Variants in RPL35 observed in about 807,000 individuals in gnomAD.
RPL35 encodes the protein large ribosomal subunit protein uL29.
A neutral mutation model predicts 15.6 loss-of-function variants in RPL35; 2 were observed. That is an observed-to-expected ratio of 0.13 (90% CI 0.05 to 0.40). The LOEUF (loss-of-function observed/expected upper bound fraction) is 0.40. Ranked by LOEUF, RPL35 falls within the 10% of genes least tolerant of loss-of-function variation. The probability of loss-of-function intolerance (pLI) is 0.99; values close to 1 mark genes in which losing one functional copy is unlikely to be tolerated. For missense variants in RPL35, 111 were observed against 164.7 expected (o/e 0.67, Z 1.79); for synonymous variants, 93 against 67.9 (o/e 1.37, Z -1.82).
intron 3 of RPL35, 86 bp from the exon 4 acceptor site, chr9:124,858,153 G>A: frequency 7.1e-7 from 1 of 1,413,290 alleles, no homozygotes; most frequent in South Asian, 1.3e-5. Flanking sequence ...GGGCCATCCA[G>A]AGCCACTCAG....
intron 2 of RPL35, among the ~76,000 whole-genome samples, chr9:124,860,695 G>C (rs530787275): frequency 6.6e-6 from 1 of 152,198 alleles, no homozygotes; most frequent in Non-Finnish European, 1.5e-5. Context: ...GAGCCAGGGA[G>C]AAGTTATTTG....
chr9:124,861,317 T>C, intron 2 of RPL35, 102 bp downstream of exon 2: 2 of 1,440,738 alleles, frequency 1.4e-6, no homozygotes, highest in Admixed American at 2.0e-5. Flanking sequence ...GGAGTGGGCA[T>C]CTAAGCGGCC....
At position 124,858,084 on chromosome 9, in the gene RPL35, AG is replaced by A. The variant is rs1214097238; in HGVS notation, c.223-18del. ...CTTCTTGCCCTGGGAGACAGACGGC[AG>A]GGTGAATCCAAGGACCCAGGGCTGA... On this transcript the variant is annotated intron_variant, in intron 3 of 3. Transcript: ENST00000348462. 2 of 1,610,334 alleles carry A rather than the reference AG, an allele frequency of 1.2e-6. No homozygotes were observed. The highest frequency in any genetic ancestry group is 2.2e-5 in the South Asian group (2 of 90,776).
intron 3 of RPL35, among the ~76,000 whole-genome samples, chr9:124,858,982 C>G (rs1829155045): frequency 6.6e-6 from 1 of 152,192 alleles, no homozygotes; most frequent in Non-Finnish European, 1.5e-5. Flanking sequence ...GCAGGAAAGT[C>G]TTTGTCCTCC....
intron 3 of RPL35, among the ~76,000 whole-genome samples, chr9:124,858,954 C>T (rs924776304): frequency 2.6e-5 from 4 of 152,196 alleles, no homozygotes; most frequent in Non-Finnish European, 5.9e-5. Context: ...GAGGGCCAGC[C>T]CTGGAGGGTA....
In RPL35 at chr9:124,861,927, C is replaced by G; in HGVS notation, c.-15G>C. On this transcript the variant is annotated 5_prime_UTR_variant, in exon 1 of 4. Transcript: ENST00000348462. Reference sequence around the variant, plus strand: ...GCTCTCACCATTGCTGCACAAGCCGCCAACGCCGCCGCCCGCTCCGAGGGA... The same window carrying G: ...GCTCTCACCATTGCTGCACAAGCCGGCAACGCCGCCGCCCGCTCCGAGGGA... 6.3e-7 allele frequency: 1 copy of G among 1,599,978 alleles called. No homozygotes were observed. Among genetic ancestry groups the G allele is most frequent in the African/African-American group, 1.3e-5 (1 of 74,214 alleles).
chr9:124,861,570 G>C lies in RPL35; in HGVS notation c.4-15C>G, dbSNP rs376630808. 1.2e-6 allele frequency: 2 copies of C among 1,613,122 alleles called. No individual in the cohort carries two copies. The highest frequency in any genetic ancestry group is 8.5e-7 in the Non-Finnish European group (1 of 1,179,690). On this transcript the variant is annotated splice_polypyrimidine_tract_variant and intron_variant, in intron 1 of 3. Transcript: ENST00000348462. ...TTGATCTTGGCCTGCGCGCAAGAGA[G>C]AGTGTGCCTCAGCCAGGCCGCGGGG...
At chr9:124,861,300 G>A (rs112248677) in intron 2 of RPL35, 119 bp downstream of exon 2, 13,465 of 1,288,190 alleles carry the variant, frequency 0.01, 92 homozygotes, top group Non-Finnish European at 0.012. Flanking sequence ...TGCGCGCCAG[G>A]ATGCACGGAG....
chr9:124,860,899 G>A (rs1231112236), intron 2 of RPL35: 1 of 158,944 alleles, frequency 6.3e-6, no homozygotes, highest in Non-Finnish European at 1.4e-5. Flanking sequence ...GAAGAGCAGT[G>A]GCCCCATCAT....
chr9:124,860,092 C>T (rs773591144), intron 3 of RPL35, 91 bp downstream of exon 3: 5 of 949,398 alleles, frequency 5.3e-6, no homozygotes, highest in Non-Finnish European at 6.9e-6. Context: ...AGCCCACGCA[C>T]CAAGAAAAAC....
intron 1 of RPL35, 151 bp downstream of exon 1, chr9:124,861,759 C>A (rs1829201646): frequency 1.5e-5 from 20 of 1,344,928 alleles, no homozygotes; most frequent in Non-Finnish European, 2.0e-5. Flanking sequence ...CGGCGCCAAG[C>A]GAAGAGGCGG....
chr9:124,861,741 GCCTCTC>G, intron 1 of RPL35, 163 bp downstream of exon 1: 1 of 1,308,494 alleles, frequency 7.6e-7, no homozygotes. Context: ...CGGGCCGCGC[GCCTCTC>G]CCGGCGCCAA....
At chr9:124,859,138 T>A (rs954878508) in intron 3 of RPL35, among the ~76,000 whole-genome samples, 1 of 152,234 alleles carries the variant, frequency 6.6e-6, no homozygotes, top group African/African-American at 2.4e-5. Context: ...ACACACGTGC[T>A]AGTGTCCCCT....
At position 124,858,007 on chromosome 9, in the gene RPL35, G is replaced by A; in HGVS notation, c.283C>T (p.Leu95Phe). The A allele has an allele frequency of 6.2e-7, 1 of 1,612,328 alleles. No homozygotes were observed. Among genetic ancestry groups the A allele is most frequent in the South Asian group, 1.1e-5 (1 of 90,998 alleles). The change falls in exon 4 of 4, where the codon CTC (leucine) becomes TTC (phenylalanine). Residue 95 changes from leucine (L) to phenylalanine (F), a missense_variant. Physicochemically the swap from Leu to Phe is conservative, Grantham distance 22 (BLOSUM62 0). Transcript: ENST00000348462. The part of the protein sequence containing the change: ...PKKTRAMRRR[L>F]NKHEENLKTK... Reference sequence around the variant, plus strand: ...TTCAGGTTCTCCTCGTGCTTGTTGAGCCGGCGGCGCATGGCACGTGTCTTC... The same window carrying A: ...TTCAGGTTCTCCTCGTGCTTGTTGAACCGGCGGCGCATGGCACGTGTCTTC...
chr9:124,858,208 C>T (rs1372593159), intron 3 of RPL35, 141 bp from the exon 4 acceptor site: 24 of 705,288 alleles, frequency 3.4e-5, no homozygotes, highest in Non-Finnish European at 5.4e-5. Context: ...ACACATGTCA[C>T]TAACTCAATT....
At chr9:124,860,342 C>G in intron 2 of RPL35, 78 bp from the exon 3 acceptor site, 1 of 1,166,572 alleles carries the variant, frequency 8.6e-7, no homozygotes, top group African/African-American at 1.5e-5. Context: ...CATAGGGCAG[C>G]AATAGCTGCA....
At position 124,861,892 on chromosome 9, in the gene RPL35, C is replaced by CG; in HGVS notation, c.3+17dup. The CG allele has an allele frequency of 6.2e-7, 1 of 1,603,224 alleles. No individual in the cohort carries two copies. The highest frequency in any genetic ancestry group is 8.5e-7 in the Non-Finnish European group (1 of 1,175,942). On this transcript the variant is annotated intron_variant, in intron 1 of 3. Transcript: ENST00000348462. ...CGCCTCACAGCGCTCGGATGGCGCC[C>CG]GATTCCGCAGCTCTCACCATTGCTG...
intron 3 of RPL35, among the ~76,000 whole-genome samples, chr9:124,859,498 C>A (rs1200213512): frequency 6.6e-6 from 1 of 152,200 alleles, no homozygotes; most frequent in Non-Finnish European, 1.5e-5. Context: ...CCTCCAAGTA[C>A]CCACTGGGAA....
At chr9:124,861,582 G>A in intron 1 of RPL35, 27 bp from the exon 2 acceptor site, 3 of 1,610,904 alleles carry the variant, frequency 1.9e-6, no homozygotes, top group Non-Finnish European at 2.5e-6. Flanking sequence ...GTGTGCCTCA[G>A]CCAGGCCGCG....
Sources: gnomAD v4.1 joint callset for allele counts (sites outside exome capture counted in the v4.1 genomes callset) on GRCh38, gnomAD v4.1.1 for gene constraint, MANE v1.5 for transcripts, NCBI Gene and HGNC (gene_info 2026-07-23, HGNC 2026-07-21) for gene names.